DENND2B: variants seen among roughly 807,000 people sequenced by gnomAD.
DENND2B encodes DENN domain containing 2B, also known as DENN domain-containing protein 2B.
A neutral mutation model predicts 116.0 loss-of-function variants in DENND2B; 32 were observed. That is an observed-to-expected ratio of 0.28 (90% CI 0.21 to 0.37). The LOEUF is 0.37. Among genes scored for constraint, DENND2B ranks in the 10% least tolerant of loss-of-function variants. DENND2B has a pLI of 1.00. For missense variants in DENND2B, 1,276 were observed against 1,477.7 expected, an observed-to-expected ratio of 0.86 and a Z score of 2.24; for synonymous variants, 588 against 583.9, an observed-to-expected ratio of 1.01 and a Z score of -0.10.
At chr11:8,792,214 C>T (rs2059444906) in intron 1 of DENND2B, among the ~76,000 whole-genome samples, 1 of 152,142 alleles carries the variant, frequency 6.6e-6, no homozygotes. Flanking sequence ...CACACACACA[C>T]ACACAAATAA....
At chr11:8,738,726 T>G (rs1202258642) in intron 2 of DENND2B, among the ~76,000 whole-genome samples, 1 of 152,246 alleles carries the variant, frequency 6.6e-6, no homozygotes, top group Non-Finnish European at 1.5e-5. Flanking sequence ...TGATCATGCT[T>G]GAAACTCCTC....
intron 17 of DENND2B, among the ~76,000 whole-genome samples, chr11:8,697,112 G>A (rs1055388991): frequency 2.6e-5 from 4 of 152,156 alleles, no homozygotes; most frequent in African/African-American, 7.2e-5. Flanking sequence ...ACTAGCCTAC[G>A]AGCTGCAGAA....
chr11:8,717,826 G>C lies in DENND2B; in HGVS notation c.1544C>G (p.Ser515Cys). 1 of 1,613,510 alleles carries C rather than the reference G, an allele frequency of 6.2e-7. No individual in the cohort carries two copies. The highest frequency in any genetic ancestry group is 1.3e-5 in the African/African-American group (1 of 75,012). The change falls in exon 5 of 20, where the codon TCC becomes TGC. Residue 515 changes from serine (S) to cysteine (C), a missense_variant. Ser to Cys is a moderately radical substitution (Grantham distance 112). Around this residue, in one of 2 missense-constraint regions of DENND2B, gnomAD observed 856 missense variants for 846.6 expected, o/e 1.01. Transcript: ENST00000313726. Reference protein sequence around the residue: ...DLKSRRAGRKSQQLSENSLDS... With the variant: ...DLKSRRAGRKCQQLSENSLDS... ...CAAGGAGTTCTCAGACAGTTGCTGG[G>C]ATTTTCGTCCTGCTCTTCGGCTCTT...
intron 1 of DENND2B, among the ~76,000 whole-genome samples, chr11:8,900,503 T>C (rs924102027): frequency 3.3e-5 from 5 of 149,560 alleles, no homozygotes; most frequent in East Asian, 2.0e-4. Context: ...GGAGGTTGAG[T>C]TGGGGGGATC....
intron 1 of DENND2B, chr11:8,785,053 G>A (rs370684062): frequency 1.3e-5 from 2 of 152,134 alleles, no homozygotes; most frequent in African/African-American, 4.8e-5. Context: ...TAACACAGCC[G>A]CCACATGGTA....
chr11:8,795,899 G>A (rs1181247076), intron 1 of DENND2B, among the ~76,000 whole-genome samples: 3 of 152,198 alleles, frequency 2.0e-5, no homozygotes, highest in Non-Finnish European at 4.4e-5. Flanking sequence ...AATCAGTGAT[G>A]AAGACCATCT....
chr11:8,878,992 A>G lies in DENND2B; in HGVS notation c.-156+2018T>C, dbSNP rs146390535. 3.9e-4 allele frequency among the ~76,000 whole-genome samples: 60 copies of G among 152,334 alleles called. No individual in the cohort carries two copies. In the East Asian group the frequency reaches 0.01, roughly 26 times the overall value. On this transcript the variant is annotated intron_variant, in intron 2 of 22. Coordinates refer to the DENND2B transcript ENST00000534127. ...TTGCACAATATTGTGACTATAATTA[A>G]TGTCACTGAATTATACACTTTAAAA...
At chr11:8,820,496 A>G (rs2134542587) in intron 4 of DENND2B, among the ~76,000 whole-genome samples, 1 of 152,312 alleles carries the variant, frequency 6.6e-6, no homozygotes, top group East Asian at 1.9e-4. Flanking sequence ...AGAATTAGAA[A>G]CAATCTCCAT....
chr11:8,791,447 C>CTT (rs890110835), intron 1 of DENND2B, among the ~76,000 whole-genome samples: 1 of 151,072 alleles, frequency 6.6e-6, no homozygotes, highest in Admixed American at 6.6e-5. Context: ...TCACTAAAGG[C>CTT]TTTTTTTTTG....
intron 1 of DENND2B, among the ~76,000 whole-genome samples, chr11:8,797,434 C>CTTCCCCCTTCTTA (rs1565969705): frequency 1.6e-5 from 2 of 126,320 alleles, no homozygotes; most frequent in African/African-American, 5.6e-5. Context: ...TTATCCCCTT[C>CTTCCCCCTTCTTA]CCCCTTCTTC....
At chr11:8,772,128 T>TAC (rs143227157) in intron 1 of DENND2B, among the ~76,000 whole-genome samples, 39,019 of 147,054 alleles carry the variant, frequency 0.27, 5,279 homozygotes, top group Middle Eastern at 0.36. Context: ...ATGGAAGCTC[T>TAC]ACACACACAC....
chr11:8,728,295 A>C (rs1217045918), intron 3 of DENND2B, among the ~76,000 whole-genome samples: 2 of 152,090 alleles, frequency 1.3e-5, no homozygotes, highest in East Asian at 3.8e-4. Flanking sequence ...AAGCCACCTC[A>C]CCTGGACTGC....
chr11:8,720,920 G>T (rs1373274071), intron 4 of DENND2B, among the ~76,000 whole-genome samples: 1 of 152,174 alleles, frequency 6.6e-6, no homozygotes, highest in Non-Finnish European at 1.5e-5. Context: ...CTGAATGGGA[G>T]ATTCAGCAGG....
chr11:8,825,087 G>A (rs1455924012), intron 4 of DENND2B, among the ~76,000 whole-genome samples: 1 of 152,054 alleles, frequency 6.6e-6, no homozygotes, highest in African/African-American at 2.4e-5. Flanking sequence ...TTAGGTCTTT[G>A]AGGTATCGCA....
intron 3 of DENND2B, among the ~76,000 whole-genome samples, chr11:8,841,807 G>A (rs969756641): frequency 2.0e-5 from 3 of 152,096 alleles, no homozygotes; most frequent in African/African-American, 4.8e-5. Context: ...TCCATGAAAC[G>A]GAAACAGTCT....
intron 3 of DENND2B, among the ~76,000 whole-genome samples, chr11:8,847,105 A>G (rs1041620122): frequency 2.0e-5 from 3 of 152,190 alleles, no homozygotes; most frequent in African/African-American, 7.2e-5. Flanking sequence ...CTTGCTAACC[A>G]CTCAGTGAAA....
At chr11:8,889,935 G>A (rs1316684506) in intron 1 of DENND2B, among the ~76,000 whole-genome samples, 1 of 152,228 alleles carries the variant, frequency 6.6e-6, no homozygotes, top group African/African-American at 2.4e-5. Context: ...ACAATGGACA[G>A]ACTGCCTCCT....
At chr11:8,700,590 A>T (rs2133706197) in intron 14 of DENND2B, among the ~76,000 whole-genome samples, 1 of 152,232 alleles carries the variant, frequency 6.6e-6, no homozygotes, top group East Asian at 1.9e-4. Flanking sequence ...TGGAGGACAA[A>T]CCAGAACGGG....
intron 11 of DENND2B, 54 bp downstream of exon 11, chr11:8,710,791 A>C (rs2043502596): frequency 1.5e-6 from 2 of 1,338,840 alleles, no homozygotes; most frequent in South Asian, 1.2e-5. Context: ...ACACACACAC[A>C]CACCCTGGCC....
Sources: gnomAD v4.1 joint callset for allele counts (sites outside exome capture counted in the v4.1 genomes callset) on GRCh38, gnomAD v4.1.1 for gene constraint, gnomAD v4.1.1 regional missense constraint, MANE v1.5 for transcripts, NCBI Gene and HGNC (gene_info 2026-07-23, HGNC 2026-07-21) for gene names.